The following CACNA2D3 variants were observed in gnomAD, a reference collection of about 807,000 sequenced individuals.
CACNA2D3 encodes the protein voltage-dependent calcium channel subunit alpha-2/delta-3.
A neutral mutation model predicts 160.6 loss-of-function variants in CACNA2D3; 60 were observed. The observed-to-expected ratio is 0.37, with a 90% CI of 0.30 to 0.46. The LOEUF (loss-of-function observed/expected upper bound fraction) is 0.46, where lower values mean the gene tolerates loss of function less well. Among genes scored for constraint, CACNA2D3 ranks in the 20% least tolerant of loss-of-function variants. The pLI, the probability that CACNA2D3 is intolerant of heterozygous loss-of-function variation, is 1.00. For synonymous variants in CACNA2D3, 558 were observed against 492.9 expected (o/e 1.13, Z -1.75); for missense variants, 1,205 against 1,365.0 (o/e 0.88, Z 1.85).
intron 5 of CACNA2D3, among the ~76,000 whole-genome samples, chr3:54,529,170 C>A (rs1438570747): frequency 6.6e-6 from 1 of 152,224 alleles, no homozygotes; most frequent in African/African-American, 2.4e-5. Flanking sequence ...TGCCAAGCTA[C>A]CTCTAGTGTT....
At chr3:55,038,610 T>C (rs1345406916) in intron 35 of CACNA2D3, among the ~76,000 whole-genome samples, 1 of 152,000 alleles carries the variant, frequency 6.6e-6, no homozygotes, top group African/African-American at 2.4e-5. Flanking sequence ...AAGTTAGAAT[T>C]CATGTTAGCC....
At chr3:54,527,958 G>C (rs891847370) in intron 5 of CACNA2D3, among the ~76,000 whole-genome samples, 2 of 152,076 alleles carry the variant, frequency 1.3e-5, no homozygotes, top group African/African-American at 2.4e-5. Context: ...TTAAATTTTT[G>C]TGTTTTTTCT....
At chr3:54,360,456 A>T (rs1024538487) in intron 3 of CACNA2D3, among the ~76,000 whole-genome samples, 1 of 152,202 alleles carries the variant, frequency 6.6e-6, no homozygotes, top group African/African-American at 2.4e-5. Flanking sequence ...CATTGCAGAG[A>T]ACTGAAGACC....
At chr3:54,382,733 G>A (rs924997515) in intron 3 of CACNA2D3, among the ~76,000 whole-genome samples, 13 of 152,378 alleles carry the variant, frequency 8.5e-5, no homozygotes, top group Non-Finnish European at 1.3e-4. Context: ...GCAGTGAGCC[G>A]AGATCACGCC....
At chr3:54,817,660 C>T (rs1282166453) in intron 14 of CACNA2D3, among the ~76,000 whole-genome samples, 1 of 152,210 alleles carries the variant, frequency 6.6e-6, no homozygotes, top group Non-Finnish European at 1.5e-5. Flanking sequence ...GAAATTTAAA[C>T]AGCATCTCCT....
intron 29 of CACNA2D3, among the ~76,000 whole-genome samples, chr3:54,975,586 T>C (rs1702373071): frequency 6.7e-6 from 1 of 150,154 alleles, no homozygotes; most frequent in East Asian, 2.0e-4. Context: ...AGCTTAGGCA[T>C]GTTGTCCTTC....
chr3:54,182,263 T>TATAA (rs1280684438), intron 2 of CACNA2D3, among the ~76,000 whole-genome samples: 1 of 152,232 alleles, frequency 6.6e-6, no homozygotes, highest in African/African-American at 2.4e-5. Context: ...CTTTTTGCTT[T>TATAA]AAATGAGATT....
chr3:54,374,771 G>A (rs886092335), intron 3 of CACNA2D3, among the ~76,000 whole-genome samples: 3 of 152,096 alleles, frequency 2.0e-5, no homozygotes, highest in Non-Finnish European at 4.4e-5. Context: ...TCTGTATCCT[G>A]TTGGCCTCCA....
intron 2 of CACNA2D3, among the ~76,000 whole-genome samples, chr3:54,294,605 T>C (rs1213542976): frequency 6.6e-6 from 1 of 152,178 alleles, no homozygotes; most frequent in East Asian, 1.9e-4. Flanking sequence ...TTGCATGAAG[T>C]CTGTGTTCAA....
chr3:54,162,982 T>A lies in CACNA2D3; in HGVS notation c.204+39388T>A, dbSNP rs1284161821. On this transcript the variant is annotated intron_variant, in intron 2 of 37. Coordinates refer to ENST00000474759, the MANE Select transcript of CACNA2D3 (RefSeq NM_018398.3). ...AGGGCAGTTAGAGAAGCCTCACTGA[T>A]TGGTTACATTCTAGGCAAAGGGAAA... Among the ~76,000 whole-genome samples the A allele has an allele frequency of 2.0e-5, 3 of 152,242 alleles. No individual in the cohort carries two copies. The South Asian group carries it at 6.2e-4, about 32-fold the overall frequency.
At chr3:54,854,919 C>A (rs1460768411) in intron 17 of CACNA2D3, among the ~76,000 whole-genome samples, 3 of 152,198 alleles carry the variant, frequency 2.0e-5, no homozygotes, top group Non-Finnish European at 2.9e-5. Flanking sequence ...GCCCATAGTT[C>A]TTCTGGGTCC....
rs1244966392 is a variant in CACNA2D3 at position 54,205,346 on chromosome 3, G to A, written c.204+81752G>A. On this transcript the variant is annotated intron_variant, in intron 2 of 37. Coordinates refer to ENST00000474759, the MANE Select transcript of CACNA2D3 (RefSeq NM_018398.3). ...GACCTCAGGTGATCCACCCGCCTTGGCCTCCCAAAGTGCTGGGATTACAGG... is the reference window on the plus strand; with the variant it reads ...GACCTCAGGTGATCCACCCGCCTTGACCTCCCAAAGTGCTGGGATTACAGG... 2.6e-5 allele frequency among the ~76,000 whole-genome samples: 4 copies of A among 152,278 alleles called. No homozygotes were observed. The East Asian group carries it at 7.7e-4, about 29-fold the overall frequency.
chr3:54,326,784 G>C (rs1422333509), intron 3 of CACNA2D3, among the ~76,000 whole-genome samples: 1 of 152,012 alleles, frequency 6.6e-6, no homozygotes, highest in Non-Finnish European at 1.5e-5. Flanking sequence ...TTTGTTTTCT[G>C]TCTTGTTTTC....
At chr3:54,168,223 T>C (rs1700495568) in intron 2 of CACNA2D3, among the ~76,000 whole-genome samples, 1 of 152,218 alleles carries the variant, frequency 6.6e-6, no homozygotes, top group Non-Finnish European at 1.5e-5. Flanking sequence ...TGGGAGCCTC[T>C]GTACAGAATC....
At chr3:54,854,305 C>T (rs181865775) in intron 17 of CACNA2D3, among the ~76,000 whole-genome samples, 9 of 152,276 alleles carry the variant, frequency 5.9e-5, no homozygotes, top group South Asian at 2.1e-4. Context: ...TTCTTCCTGA[C>T]GGAATTGGTG....
chr3:54,899,872 A>T lies in CACNA2D3; in HGVS notation c.2449+4A>T, dbSNP rs1028161103. ...CGGAAATCTCCTGTGGTGGCAGGTAAATAATTGATTGAATCCATGAAGACA... is the reference window on the plus strand; with the variant it reads ...CGGAAATCTCCTGTGGTGGCAGGTATATAATTGATTGAATCCATGAAGACA... On this transcript the variant is annotated splice_donor_region_variant and intron_variant, in intron 27 of 37. Transcript: ENST00000474759. 1.3e-6 allele frequency: 2 copies of T among 1,585,578 alleles called. No homozygotes were observed. Among genetic ancestry groups the T allele is most frequent in the Non-Finnish European group, 1.7e-6 (2 of 1,162,800 alleles).
chr3:54,856,026 C>T (rs1699161516), intron 17 of CACNA2D3, among the ~76,000 whole-genome samples: 1 of 152,192 alleles, frequency 6.6e-6, no homozygotes. Flanking sequence ...CTGGGCTCCC[C>T]ACGACATTGT....
intron 13 of CACNA2D3, among the ~76,000 whole-genome samples, chr3:54,811,407 C>T (rs1439069659): frequency 6.8e-6 from 1 of 147,836 alleles, no homozygotes; most frequent in Non-Finnish European, 1.5e-5. Flanking sequence ...TACCTGGGGT[C>T]AGACTATTGC....
intron 11 of CACNA2D3, among the ~76,000 whole-genome samples, chr3:54,704,079 G>T (rs543877064): frequency 2.0e-5 from 3 of 152,192 alleles, no homozygotes; most frequent in Non-Finnish European, 2.9e-5. Flanking sequence ...GGCACCCACA[G>T]TCTATGCTGA....
Sources: gnomAD v4.1 joint callset for allele counts (sites outside exome capture counted in the v4.1 genomes callset) on GRCh38, gnomAD v4.1.1 for gene constraint, MANE v1.5 for transcripts, NCBI Gene and HGNC (gene_info 2026-07-23, HGNC 2026-07-21) for gene names.